SPTAN1: variants seen among roughly 807,000 people sequenced by gnomAD.
SPTAN1 encodes the protein spectrin alpha chain, non-erythrocytic 1.
Under a neutral mutation model 331.3 loss-of-function variants are expected in SPTAN1, and 61 were observed. The ratio of observed to expected loss-of-function variants is 0.18; its 90% CI spans 0.15 to 0.23. The LOEUF is 0.23. SPTAN1 is among the 10% of genes least tolerant of loss of function. SPTAN1 has a pLI of 1.00. For synonymous variants in SPTAN1, 1,153 were observed against 1,173.9 expected (o/e 0.98, Z 0.36); for missense variants, 2,043 against 3,147.9 (o/e 0.65, Z 8.40).
chr9:128,626,773 C>A, intron 49 of SPTAN1, 86 bp downstream of exon 49: 3 of 1,222,246 alleles, frequency 2.5e-6, no homozygotes, highest in Non-Finnish European at 3.2e-6. Flanking sequence ...AACTGAGTCA[C>A]GACAAGACGA....
Position 128,609,251 on chromosome 9 carries a change from T to C in SPTAN1, c.4725T>C (p.Ser1575=), listed in dbSNP as rs753055605. ...AWISEKLQTA[S]DESYKDPTNI... is the part of the protein sequence containing the mutation. ...TCAGTGAAAAATTGCAAACAGCGAG[T>C]GATGAGTCGTACAAGGATCCCACCA... is the stretch of plus-strand genomic sequence containing the variant. Residue 1575 remains serine, a synonymous_variant, in exon 36 of 57, where the codon AGT becomes AGC. Coordinates refer to ENST00000372739, the MANE Select transcript of SPTAN1 (RefSeq NM_001130438.3). 2.5e-6 allele frequency: 4 copies of C among 1,614,152 alleles called. No individual in the cohort carries two copies. The Admixed American group carries it at 6.7e-5, about 27-fold the overall frequency.
At chr9:128,630,988 C>T (rs903953031) in intron 52 of SPTAN1, among the ~76,000 whole-genome samples, 4 of 152,054 alleles carry the variant, frequency 2.6e-5, no homozygotes, top group African/African-American at 9.7e-5. Context: ...GGATTACAAG[C>T]GTGAGCCACC....
rs774209726 is a variant in SPTAN1, at chr9:128,574,836, T to G, written c.504+21T>G. 42 of 1,613,656 alleles carry G rather than the reference T, an allele frequency of 2.6e-5. No individual in the cohort carries two copies. In the Admixed American group the frequency reaches 6.8e-4, roughly 26 times the overall value. On this transcript the variant is annotated intron_variant, in intron 4 of 56. Transcript: ENST00000372739. The stretch of plus-strand genomic sequence containing the variant: ...ACAAGGCACGTTTTGGGAAGAAGGG[T>G]TTGCTAAGCTTTACTCAAAGAAAAG...
intron 56 of SPTAN1, 70 bp downstream of exon 56, chr9:128,633,025 A>C: frequency 6.2e-7 from 1 of 1,602,706 alleles, no homozygotes; most frequent in East Asian, 2.2e-5. Context: ...GGCAGAGCTG[A>C]GTCTGGGGTA....
intron 4 of SPTAN1, among the ~76,000 whole-genome samples, 166 bp from the exon 5 acceptor site, chr9:128,575,033 A>G (rs151161562): frequency 6.6e-6 from 1 of 152,050 alleles, no homozygotes; most frequent in African/African-American, 2.4e-5. Flanking sequence ...CGTGAACTCA[A>G]CCTCTTAACT....
chr9:128,563,071 T>G (rs941725486), intron 1 of SPTAN1, among the ~76,000 whole-genome samples: 1 of 149,748 alleles, frequency 6.7e-6, no homozygotes, highest in Non-Finnish European at 1.5e-5. Context: ...GACATTAAGC[T>G]TTTCAAGGTC....
At chr9:128,568,486 A>T (rs1850292090) in intron 2 of SPTAN1, among the ~76,000 whole-genome samples, 1 of 152,196 alleles carries the variant, frequency 6.6e-6, no homozygotes, top group Non-Finnish European at 1.5e-5. Flanking sequence ...AAAAACAAAA[A>T]ATTATTAATA....
At chr9:128,616,936 A>T (rs961230947) in intron 41 of SPTAN1, among the ~76,000 whole-genome samples, 2 of 151,726 alleles carry the variant, frequency 1.3e-5, no homozygotes, top group African/African-American at 2.4e-5. Flanking sequence ...TGTCTCAAAA[A>T]ATATATATAT....
chr9:128,591,836 G>A (rs1227753200), intron 22 of SPTAN1, among the ~76,000 whole-genome samples: 1 of 152,122 alleles, frequency 6.6e-6, no homozygotes, highest in African/African-American at 2.4e-5. Flanking sequence ...TTCCACCAGT[G>A]TTCATGAGTT....
intron 24 of SPTAN1, among the ~76,000 whole-genome samples, chr9:128,598,170 A>T (rs1010241105): frequency 3.5e-5 from 5 of 142,932 alleles, no homozygotes; most frequent in Non-Finnish European, 6.0e-5. Flanking sequence ...TTGGTCTCGA[A>T]CTCCCGACCT....
intron 37 of SPTAN1, 21 bp downstream of exon 37, chr9:128,609,686 A>G: frequency 6.7e-7 from 1 of 1,487,502 alleles, no homozygotes; most frequent in East Asian, 2.4e-5. Flanking sequence ...AATTTTTTTA[A>G]GAGTTGTAGT....
chr9:128,627,272 T>C lies in SPTAN1; in HGVS notation c.6577-114T>C, dbSNP rs1204737246. The C allele has an allele frequency of 2.2e-6, 2 of 892,670 alleles. No individual in the cohort carries two copies. The highest frequency in any genetic ancestry group is 3.6e-6 in the Non-Finnish European group (2 of 563,270). The allele number at this position is 892,670 out of a possible 1,614,324, so 55.3% of individuals were successfully genotyped here. A position where few individuals can be genotyped will look rare whatever the true frequency, so the allele number is the denominator to read the frequency against. On this transcript the variant is annotated intron_variant, in intron 49 of 56. Transcript: ENST00000372739. This position sits in a 1 kb window ranked among gnomAD's most constrained non-coding sequence, Gnocchi z 4.9. ...CATGTCTCCCAGCCTCCTCCTCTCA[T>C]CTTTGGGGAGGTTCCTTGTGGGGAG... is the stretch of plus-strand genomic sequence containing the variant.
At chr9:128,615,507 G>T in intron 40 of SPTAN1, 125 bp from the exon 41 acceptor site, 1 of 906,034 alleles carries the variant, frequency 1.1e-6, no homozygotes, top group Non-Finnish European at 1.8e-6. Flanking sequence ...AATGCCAGAG[G>T]TCCACATAAC....
At chr9:128,630,877 G>A (rs1859607130) in intron 52 of SPTAN1, among the ~76,000 whole-genome samples, 1 of 152,076 alleles carries the variant, frequency 6.6e-6, no homozygotes, top group Non-Finnish European at 1.5e-5. Flanking sequence ...GGTAATTTTT[G>A]TATTTTTAGT....
intron 48 of SPTAN1, 136 bp from the exon 49 acceptor site, chr9:128,626,255 G>A: frequency 8.8e-7 from 1 of 1,141,318 alleles, no homozygotes; most frequent in South Asian, 1.2e-5. Flanking sequence ...CAGGAGACAG[G>A]AGCAGAGGGG....
chr9:128,627,723 C>A lies in SPTAN1; in HGVS notation c.6690-202C>A. 1 of 803,386 alleles carries A rather than the reference C, an allele frequency of 1.2e-6. No homozygotes were observed. Among genetic ancestry groups the A allele is most frequent in the Non-Finnish European group, 2.2e-6 (1 of 464,170 alleles). The allele number at this position is 803,386 out of a possible 1,614,324, so 49.8% of individuals were successfully genotyped here. On this transcript the variant is annotated intron_variant, in intron 50 of 56. Transcript: ENST00000372739. The surrounding 1 kb of genome is among the most constrained non-coding windows in gnomAD (Gnocchi z 4.9). The stretch of plus-strand genomic sequence containing the variant: ...TCCCAGACATCAAGTTGTTAGAGAT[C>A]CCGGATTGAGTGGGACCATGCAGGG...
rs980795164 is a variant in SPTAN1 at position 128,605,485 on chromosome 9, G to A, written c.4046+8G>A. ...CTTCCTTAGCGATTTCCGGTACGGA[G>A]CCATGTTCACTCAGACTTCTGGAAC... is the stretch of plus-strand genomic sequence containing the variant. On this transcript the variant is annotated splice_region_variant and intron_variant, in intron 31 of 56. Transcript: ENST00000372739. 2 of 1,614,060 alleles carry A rather than the reference G, an allele frequency of 1.2e-6. No individual in the cohort carries two copies. Among genetic ancestry groups the A allele is most frequent in the East Asian group, 2.2e-5 (1 of 44,878 alleles).
intron 38 of SPTAN1, 113 bp downstream of exon 38, chr9:128,611,958 T>G (rs1856619367): frequency 6.2e-7 from 1 of 1,603,274 alleles, no homozygotes; most frequent in East Asian, 2.2e-5. Flanking sequence ...TATAGAAGAC[T>G]TTAGGCTGAA....
chr9:128,579,879 A>T, intron 10 of SPTAN1, 141 bp downstream of exon 10: 1 of 752,692 alleles, frequency 1.3e-6, no homozygotes, highest in East Asian at 2.7e-5. Flanking sequence ...CAGAGGTTTA[A>T]AAAGAAGGTA....
Sources: allele counts gnomAD v4.1 joint callset (sites outside exome capture counted in the v4.1 genomes callset), GRCh38; gene constraint gnomAD v4.1.1; non-coding constraint Gnocchi (gnomAD v3.1); transcripts MANE v1.5; gene names NCBI Gene and HGNC (gene_info 2026-07-23, HGNC 2026-07-21).